SEPTIN6: variants seen among roughly 807,000 people sequenced by gnomAD.
SEPTIN6 encodes septin-6.
A neutral mutation model predicts 33.6 loss-of-function variants in SEPTIN6; 8 were observed. The observed-to-expected ratio is 0.24, with a 90% confidence interval of 0.14 to 0.43. The LOEUF is 0.43. Among genes scored for constraint, SEPTIN6 ranks in the 20% least tolerant of loss-of-function variants. The probability of loss-of-function intolerance (pLI) is 1.00; values close to 1 mark genes in which losing one functional copy is unlikely to be tolerated. For synonymous variants in SEPTIN6, 131 were observed against 140.0 expected (o/e 0.94, Z 0.45); for missense variants, 250 against 340.8 (o/e 0.73, Z 2.10).
chrX:119,664,338 G>A (rs978248419), intron 2 of SEPTIN6, among the ~76,000 whole-genome samples: 19 of 111,377 alleles, frequency 1.7e-4, no homozygotes, highest in Non-Finnish European at 3.2e-4. Context: ...CAGCAATGGA[G>A]AGATATAGCT....
chrX:119,624,661 C>T (rs971855290), intron 10 of SEPTIN6, among the ~76,000 whole-genome samples: 4 of 111,295 alleles, frequency 3.6e-5, no homozygotes, highest in African/African-American at 1.3e-4. Context: ...CTTGTGAAAC[C>T]CAGTTTCTCT....
At chrX:119,691,625 G>T (rs4825663) in intron 1 of SEPTIN6, among the ~76,000 whole-genome samples, 1 of 111,034 alleles carries the variant, frequency 9.0e-6, no homozygotes. Context: ...AGGAGGTTCC[G>T]AAGAAATGAT....
intron 3 of SEPTIN6, among the ~76,000 whole-genome samples, chrX:119,658,029 A>C (rs2147560952): frequency 9.0e-6 from 1 of 111,557 alleles, no homozygotes; most frequent in South Asian, 3.8e-4. Flanking sequence ...CGGGCGGCTG[A>C]GGCAGGAGAA....
intron 9 of SEPTIN6, among the ~76,000 whole-genome samples, chrX:119,628,431 A>G (rs1603327775): frequency 9.3e-6 from 1 of 107,877 alleles, no homozygotes; most frequent in Non-Finnish European, 1.9e-5. Context: ...AGCGCGCGCC[A>G]CCGCGCCTGG....
intron 7 of SEPTIN6, among the ~76,000 whole-genome samples, chrX:119,636,008 C>T (rs1353519346): frequency 9.0e-6 from 1 of 111,481 alleles, no homozygotes; most frequent in Non-Finnish European, 1.9e-5. Flanking sequence ...CACACCTACT[C>T]CTCTACAAAT....
chrX:119,677,539 G>A (rs1344335257), intron 1 of SEPTIN6, among the ~76,000 whole-genome samples: 3 of 112,611 alleles, frequency 2.7e-5, no homozygotes, highest in African/African-American at 9.7e-5. Context: ...AGTCCAAGAA[G>A]GGCACGGTTA....
At chrX:119,682,015 C>G (rs966570508) in intron 1 of SEPTIN6, among the ~76,000 whole-genome samples, 1 of 108,862 alleles carries the variant, frequency 9.2e-6, no homozygotes, top group Non-Finnish European at 1.9e-5. Context: ...CCAGCCTGGG[C>G]AACAGTGAGA....
chrX:119,631,274 A>G (rs2053955380), intron 8 of SEPTIN6, among the ~76,000 whole-genome samples: 1 of 101,434 alleles, frequency 9.9e-6, no homozygotes, highest in African/African-American at 3.7e-5. Context: ...TCCGCCTCCC[A>G]GGTTCAAGTG....
chrX:119,674,837 A>T (rs1311725014), intron 2 of SEPTIN6, among the ~76,000 whole-genome samples: 3 of 111,917 alleles, frequency 2.7e-5, no homozygotes. Context: ...CATTTCACAG[A>T]TATTACCGCA....
intron 2 of SEPTIN6, among the ~76,000 whole-genome samples, chrX:119,670,592 G>T (rs2054728362): frequency 1.0e-5 from 1 of 96,645 alleles, no homozygotes; most frequent in Non-Finnish European, 2.1e-5. Flanking sequence ...AGAAGAAGAA[G>T]AATTGCAGGT....
At chrX:119,625,273 G>A (rs991654465) in intron 10 of SEPTIN6, 62 bp downstream of exon 10, 5 of 788,323 alleles carry the variant, frequency 6.3e-6, no homozygotes, top group Admixed American at 2.3e-5. Flanking sequence ...TGGGGGTGCG[G>A]GATTGGGGGA....
chrX:119,684,134 G>A (rs1172091951), intron 1 of SEPTIN6, among the ~76,000 whole-genome samples: 2 of 110,299 alleles, frequency 1.8e-5, no homozygotes, highest in African/African-American at 6.6e-5. Context: ...TAGTAGAGAT[G>A]GGGTTTCACC....
At chrX:119,640,920 CAAGCATTTATT>C (rs756526686) in intron 5 of SEPTIN6, 132 bp from the exon 6 acceptor site, 11 of 475,317 alleles carry the variant, frequency 2.3e-5, no homozygotes, top group Non-Finnish European at 4.0e-5. Flanking sequence ...TCATCACCAA[CAAGCATTTATT>C]AAGTTCCCAA....
At chrX:119,625,118 C>T (rs1177332415) in intron 10 of SEPTIN6, among the ~76,000 whole-genome samples, 15 of 111,958 alleles carry the variant, frequency 1.3e-4, no homozygotes, top group Admixed American at 1.3e-3. Flanking sequence ...AGTCTGAAAA[C>T]GACCCCTCAC....
At chrX:119,661,984 C>T (rs751674111) in intron 3 of SEPTIN6, among the ~76,000 whole-genome samples, 7 of 112,022 alleles carry the variant, frequency 6.2e-5, no homozygotes, top group Admixed American at 2.8e-4. Flanking sequence ...GTGATCTGCC[C>T]GCCTCGGCCT....
In SEPTIN6 at chrX:119,619,486, C is replaced by T. The variant is rs981681849; in HGVS notation, c.*607G>A. 39 of 812,897 alleles carry T rather than the reference C, an allele frequency of 4.8e-5. No homozygotes were observed. Among genetic ancestry groups the T allele is most frequent in the East Asian group, 6.6e-5 (1 of 15,113 alleles). The allele number at this position is 812,897 out of a possible 1,213,427, so 67.0% of individuals were successfully genotyped here. ...GAGCACAGCTTGAGTGCAGTTACTT[C>T]GAGTGAATGAAAACTGGAAAGGGCT... On this transcript the variant is annotated 3_prime_UTR_variant, in exon 11 of 11. Transcript: ENST00000394610.
intron 4 of SEPTIN6, among the ~76,000 whole-genome samples, chrX:119,651,635 C>T (rs2054353056): frequency 8.9e-6 from 1 of 111,858 alleles, no homozygotes; most frequent in Admixed American, 9.5e-5. Flanking sequence ...CGTGCCATTG[C>T]ACTCCAGTCT....
At chrX:119,640,088 A>G (rs2054128279) in intron 6 of SEPTIN6, among the ~76,000 whole-genome samples, 1 of 106,645 alleles carries the variant, frequency 9.4e-6, no homozygotes, top group African/African-American at 3.4e-5. Flanking sequence ...CTAGAATTAC[A>G]GGAGTGAGCC....
intron 10 of SEPTIN6, among the ~76,000 whole-genome samples, chrX:119,620,916 C>A (rs1282412486): frequency 9.0e-6 from 1 of 110,655 alleles, no homozygotes; most frequent in Non-Finnish European, 1.9e-5. Context: ...GGCACTGAGC[C>A]CGGCCTATCT....
Sources: allele counts gnomAD v4.1 joint callset (sites outside exome capture counted in the v4.1 genomes callset), GRCh38; gene constraint gnomAD v4.1.1; transcripts MANE v1.5; gene names NCBI Gene and HGNC (gene_info 2026-07-23, HGNC 2026-07-21).